CYB5A: variants seen among roughly 807,000 people sequenced by gnomAD.
The protein encoded by CYB5A is cytochrome b5 type A, also known as cytochrome b5.
Under a neutral mutation model 16.2 loss-of-function variants are expected in CYB5A, and 10 were observed. The observed-to-expected ratio is 0.62, with a 90% CI of 0.38 to 1.04. The LOEUF is 1.04. Ranked by LOEUF, CYB5A falls within the 50% of genes least tolerant of loss-of-function variation. CYB5A has a pLI of 0.01. For synonymous variants in CYB5A, 62 were observed against 57.0 expected (o/e 1.09, Z -0.40); for missense variants, 161 against 165.9 (o/e 0.97, Z 0.16).
At chr18:74,254,519 G>T (rs1448152980) in intron 4 of CYB5A, among the ~76,000 whole-genome samples, 1 of 140,910 alleles carries the variant, frequency 7.1e-6, no homozygotes, top group South Asian at 2.4e-4. Context: ...ATTTCTATTT[G>T]AATCTTTTTT....
At chr18:74,270,655 A>G (rs1162179840) in intron 1 of CYB5A, among the ~76,000 whole-genome samples, 2 of 152,218 alleles carry the variant, frequency 1.3e-5, no homozygotes, top group African/African-American at 2.4e-5. Flanking sequence ...AATATTTTCT[A>G]AACTATACAG....
intron 1 of CYB5A, among the ~76,000 whole-genome samples, chr18:74,280,831 T>C (rs1252623728): frequency 6.6e-6 from 1 of 152,184 alleles, no homozygotes; most frequent in Non-Finnish European, 1.5e-5. Flanking sequence ...CATACGTATG[T>C]GTCCCTCTGC....
chr18:74,275,954 C>T (rs774930274), intron 1 of CYB5A, among the ~76,000 whole-genome samples: 6 of 152,124 alleles, frequency 3.9e-5, no homozygotes, highest in Non-Finnish European at 7.3e-5. Context: ...AACACCAGCG[C>T]GGCACCGGGA....
chr18:74,259,709 A>AT (rs1219844960), intron 3 of CYB5A: 2 of 152,162 alleles, frequency 1.3e-5, no homozygotes, highest in African/African-American at 4.8e-5. Context: ...TGATAAAAAA[A>AT]ATATATATTC....
chr18:74,289,068 T>C (rs1983429253), intron 1 of CYB5A, among the ~76,000 whole-genome samples: 1 of 152,130 alleles, frequency 6.6e-6, no homozygotes, highest in Non-Finnish European at 1.5e-5. Context: ...AACTAACTCC[T>C]TGTGTTTCTC....
At chr18:74,263,125 G>A (rs1469776896) in intron 2 of CYB5A, among the ~76,000 whole-genome samples, 2 of 145,992 alleles carry the variant, frequency 1.4e-5, no homozygotes, top group African/African-American at 2.5e-5. Context: ...TCCAGCCTGG[G>A]TGACAGAGTA....
Position 74,276,746 on chromosome 18 carries a change from C to T in CYB5A, c.130-13269G>A, listed in dbSNP as rs1032150195. ...TGAACGCAGGCCGCCTGACTCCACA[C>T]CAGGTCTCCTAACCACTGTATGTAC... is the stretch of plus-strand genomic sequence containing the variant. On this transcript the variant is annotated intron_variant, in intron 1 of 4. Coordinates refer to ENST00000340533, the MANE Select transcript of CYB5A (RefSeq NM_148923.4). Among the ~76,000 whole-genome samples the T allele has an allele frequency of 7.9e-5, 12 of 152,272 alleles. 1 individual carries two copies. Among genetic ancestry groups the T allele is most frequent in the Admixed American group, 5.9e-4 (9 of 15,300 alleles).
At chr18:74,284,664 G>A (rs1018607933) in intron 1 of CYB5A, among the ~76,000 whole-genome samples, 10 of 152,074 alleles carry the variant, frequency 6.6e-5, no homozygotes, top group Admixed American at 1.3e-4. Flanking sequence ...ACAGGCTCCC[G>A]TGCCCACCAG....
chr18:74,255,765 A>G lies in CYB5A; in HGVS notation c.299T>C (p.Ile100Thr), dbSNP rs773629508. 5 of 1,612,268 alleles carry G rather than the reference A, an allele frequency of 3.1e-6. No individual in the cohort carries two copies. Among genetic ancestry groups the G allele is most frequent in the South Asian group, 2.2e-5 (2 of 91,056 alleles). ...PKLNKPPETL[I>T]TTIDSSSSWW... ...CCTGGAACTAGAATCAATAGTAGTGATAAGAGTTTCCTGAAACACGAGAGG... is the reference window on the plus strand; with the variant it reads ...CCTGGAACTAGAATCAATAGTAGTGGTAAGAGTTTCCTGAAACACGAGAGG... Residue 100 changes from isoleucine (I) to threonine (T), a missense_variant, in exon 4 of 5, where the codon ATC becomes ACC. Coordinates refer to ENST00000340533, the MANE Select transcript of CYB5A (RefSeq NM_148923.4).
chr18:74,278,927 T>C lies in CYB5A; in HGVS notation c.129+12820A>G, dbSNP rs569325566. Among the ~76,000 whole-genome samples the C allele has an allele frequency of 3.9e-5, 6 of 152,350 alleles. No homozygotes were observed. In the South Asian group the frequency reaches 1.2e-3, roughly 32 times the overall value. On this transcript the variant is annotated intron_variant, in intron 1 of 4. Transcript: ENST00000340533. ...GTCTCATTGGATAAAATAAAGCAGG[T>C]GTGCTAATTCTTCCTCTAATCTCTG... is the stretch of plus-strand genomic sequence containing the variant.
chr18:74,288,105 A>G (rs1983384928), intron 1 of CYB5A, among the ~76,000 whole-genome samples: 1 of 152,252 alleles, frequency 6.6e-6, no homozygotes, highest in South Asian at 2.1e-4. Flanking sequence ...GCCATTAATA[A>G]TAAGCCAGTC....
At chr18:74,265,702 G>C (rs1465470678) in intron 1 of CYB5A, among the ~76,000 whole-genome samples, 1 of 152,200 alleles carries the variant, frequency 6.6e-6, no homozygotes, top group Non-Finnish European at 1.5e-5. Context: ...CTCGGCCTCT[G>C]GTGAGGCCTC....
At chr18:74,256,963 C>G in intron 3 of CYB5A, 1 of 907,272 alleles carries the variant, frequency 1.1e-6, no homozygotes, top group Non-Finnish European at 1.8e-6. Flanking sequence ...TTCATAACTA[C>G]AGCAAGAGGA....
intron 4 of CYB5A, 68 bp downstream of exon 4, chr18:74,255,673 C>T: frequency 1.5e-6 from 2 of 1,340,282 alleles, no homozygotes; most frequent in South Asian, 1.2e-5. Context: ...GTGGGGGACG[C>T]ACCTTGTCCA....
chr18:74,270,235 T>A (rs1982618615), intron 1 of CYB5A, among the ~76,000 whole-genome samples: 1 of 151,914 alleles, frequency 6.6e-6, no homozygotes, highest in Non-Finnish European at 1.5e-5. Context: ...CGTTAACACC[T>A]CAGAGCCCTC....
intron 1 of CYB5A, among the ~76,000 whole-genome samples, chr18:74,290,399 C>T (rs1983487133): frequency 6.6e-6 from 1 of 152,098 alleles, no homozygotes; most frequent in African/African-American, 2.4e-5. Context: ...CGTGCCCCGC[C>T]AGGCCTGGCT....
At chr18:74,282,337 G>A (rs1426217075) in intron 1 of CYB5A, among the ~76,000 whole-genome samples, 1 of 152,170 alleles carries the variant, frequency 6.6e-6, no homozygotes. Context: ...ATCCTGGGAA[G>A]TTACTTTCTG....
intron 1 of CYB5A, among the ~76,000 whole-genome samples, chr18:74,268,454 C>T (rs1982535620): frequency 6.6e-6 from 1 of 151,938 alleles, no homozygotes; most frequent in African/African-American, 2.4e-5. Context: ...TTGCGCCTCT[C>T]CAAGGATTCT....
At position 74,263,329 on chromosome 18, in the gene CYB5A, G is replaced by A. The variant is rs1289098476; in HGVS notation, c.258+20C>T. 21 of 1,613,574 alleles carry A rather than the reference G, an allele frequency of 1.3e-5. No individual in the cohort carries two copies. The highest frequency in any genetic ancestry group is 1.7e-5 in the Non-Finnish European group (20 of 1,179,796). ...ATAGCCTTAAATACAAATAAGAAAG[G>A]GCCCCCAAAATGTACTTACTGGATG... On this transcript the variant is annotated intron_variant, in intron 2 of 4. Coordinates refer to ENST00000340533, the MANE Select transcript of CYB5A (RefSeq NM_148923.4).
Sources: gnomAD v4.1 joint callset for allele counts (sites outside exome capture counted in the v4.1 genomes callset) on GRCh38, gnomAD v4.1.1 for gene constraint, MANE v1.5 for transcripts, NCBI Gene and HGNC (gene_info 2026-07-23, HGNC 2026-07-21) for gene names.